PAPOLA: variants seen among roughly 807,000 people sequenced by gnomAD.
PAPOLA encodes the protein polynucleotide adenylyltransferase alpha.
PAPOLA carries 15 observed loss-of-function variants against 100.6 expected under a neutral mutation model. That is an observed-to-expected ratio of 0.15 (90% CI 0.10 to 0.23). The LOEUF (loss-of-function observed/expected upper bound fraction) is 0.23. Among genes scored for constraint, PAPOLA ranks in the 10% least tolerant of loss-of-function variants. The pLI is 1.00. For synonymous variants in PAPOLA, 293 were observed against 300.0 expected (o/e 0.98, Z 0.24); for missense variants, 533 against 884.2 (o/e 0.60, Z 5.04).
At chr14:96,533,721 A>G (rs149681034) in intron 9 of PAPOLA, 5,733 of 332,786 alleles carry the variant, frequency 0.017, 66 homozygotes, top group South Asian at 0.046. Flanking sequence ...CGCCTGGCTA[A>G]TTTTTGTATT....
intron 17 of PAPOLA, among the ~76,000 whole-genome samples, chr14:96,555,023 A>G (rs1901185377): frequency 6.6e-6 from 1 of 152,036 alleles, no homozygotes; most frequent in Non-Finnish European, 1.5e-5. Context: ...AATGAGAGAG[A>G]AACTTCGGGG....
chr14:96,525,418 A>G, intron 4 of PAPOLA, 27 bp downstream of exon 4: 1 of 942,582 alleles, frequency 1.1e-6, no homozygotes, highest in South Asian at 1.5e-5. Flanking sequence ...TTTTCTTAGA[A>G]AGGGACCCTT....
At chr14:96,532,144 C>T in intron 7 of PAPOLA, 187 bp from the exon 8 acceptor site, 3 of 1,368,804 alleles carry the variant, frequency 2.2e-6, no homozygotes, top group South Asian at 1.8e-5. Context: ...AGATTTTTTC[C>T]CCCTCTTTAT....
chr14:96,541,282 A>C (rs1899966873), intron 12 of PAPOLA, among the ~76,000 whole-genome samples: 1 of 152,196 alleles, frequency 6.6e-6, no homozygotes, highest in Non-Finnish European at 1.5e-5. Context: ...AACTATACTT[A>C]TAAAATGTGT....
chr14:96,509,296 C>T (rs75650179), intron 1 of PAPOLA, among the ~76,000 whole-genome samples: 6,649 of 152,232 alleles, frequency 0.044, 206 homozygotes, highest in South Asian at 0.11. Flanking sequence ...CCCAAATTGC[C>T]GAGATTACAG....
chr14:96,512,628 G>A (rs1215588877), intron 1 of PAPOLA, among the ~76,000 whole-genome samples: 3 of 152,278 alleles, frequency 2.0e-5, no homozygotes, highest in Middle Eastern at 6.8e-3. Context: ...AGCTATGATC[G>A]TAATTATATT....
intron 7 of PAPOLA, 155 bp from the exon 8 acceptor site, chr14:96,532,176 A>G: frequency 1.4e-6 from 2 of 1,402,404 alleles, no homozygotes; most frequent in Non-Finnish European, 1.8e-6. Context: ...TACTGGTTCT[A>G]CCAAATAAAA....
chr14:96,509,148 C>T (rs1034367225), intron 1 of PAPOLA, among the ~76,000 whole-genome samples: 1 of 152,200 alleles, frequency 6.6e-6, no homozygotes, highest in Non-Finnish European at 1.5e-5. Context: ...CCTCCCACCT[C>T]AGCCTCCCAA....
chr14:96,530,108 A>G (rs1375324543), intron 6 of PAPOLA, among the ~76,000 whole-genome samples: 3 of 152,214 alleles, frequency 2.0e-5, no homozygotes, highest in Non-Finnish European at 2.9e-5. Context: ...TCTCATGTAT[A>G]ATGAGATCTC....
chr14:96,520,372 A>C (rs1264651262), intron 2 of PAPOLA, 144 bp downstream of exon 2: 1 of 641,636 alleles, frequency 1.6e-6, no homozygotes, highest in Non-Finnish European at 2.6e-6. Flanking sequence ...AGGGATACTT[A>C]AGAGAGAAAA....
At position 96,525,341 on chromosome 14, in the gene PAPOLA, G is replaced by A; in HGVS notation, c.281G>A (p.Gly94Glu). Reference sequence around the variant, plus strand: ...CCACAATCTGTAATTGAAAATGTTGGAGGAAAAATTTTTACATTTGGATCT... The same window carrying A: ...CCACAATCTGTAATTGAAAATGTTGAAGGAAAAATTTTTACATTTGGATCT... ...NLPQSVIENV[G>E]GKIFTFGSYR... The change falls in exon 4 of 22, where the codon GGA becomes GAA. Residue 94 changes from glycine to glutamate, a missense_variant. Physicochemically the swap from Gly to Glu is moderately conservative, Grantham distance 98. Coordinates refer to ENST00000216277, the MANE Select transcript of PAPOLA (RefSeq NM_032632.5). 1 of 1,526,516 alleles carries A rather than the reference G, an allele frequency of 6.6e-7. No homozygotes were observed. Among genetic ancestry groups the A allele is most frequent in the South Asian group, 1.2e-5 (1 of 86,068 alleles). 94.6% of individuals were successfully genotyped at this position (1,526,516 alleles called of 1,614,324 possible).
chr14:96,536,049 C>T, intron 11 of PAPOLA, 50 bp downstream of exon 11: 1 of 1,367,628 alleles, frequency 7.3e-7, no homozygotes, highest in Non-Finnish European at 9.7e-7. Flanking sequence ...ATTTACGTAC[C>T]ATTGTAGACC....
chr14:96,535,592 C>A, intron 10 of PAPOLA: 1 of 1,048,364 alleles, frequency 9.5e-7, no homozygotes, highest in Non-Finnish European at 1.2e-6. Flanking sequence ...AAAAACTAAA[C>A]ATCAATAGAT....
chr14:96,509,811 T>A (rs892871776), intron 1 of PAPOLA, among the ~76,000 whole-genome samples: 1 of 152,234 alleles, frequency 6.6e-6, no homozygotes, highest in East Asian at 1.9e-4. Flanking sequence ...ACCACTGTTA[T>A]ATGTGTGGTC....
chr14:96,527,473 T>A lies in PAPOLA; in HGVS notation c.375T>A (p.Asp125Glu). The change falls in exon 5 of 22, where the codon GAT becomes GAA. Residue 125 changes from aspartate to glutamate, a missense_variant. By Grantham distance (45) the Asp-to-Glu change is conservative (BLOSUM62 2). Transcript: ENST00000216277. ...TGTGTGTTGCACCAAGACATGTTGATCGAAGTGACTTTTTCACCTCATTCT... is the reference window on the plus strand; with the variant it reads ...TGTGTGTTGCACCAAGACATGTTGAACGAAGTGACTTTTTCACCTCATTCT... Reference protein sequence around the residue: ...DALCVAPRHVDRSDFFTSFYD... With the variant: ...DALCVAPRHVERSDFFTSFYD... 6.2e-7 allele frequency: 1 copy of A among 1,613,330 alleles called. No homozygotes were observed. Among genetic ancestry groups the A allele is most frequent in the South Asian group, 1.1e-5 (1 of 91,062 alleles).
At chr14:96,508,230 C>A (rs1896867052) in intron 1 of PAPOLA, among the ~76,000 whole-genome samples, 1 of 152,142 alleles carries the variant, frequency 6.6e-6, no homozygotes, top group African/African-American at 2.4e-5. Flanking sequence ...CAGCCCACCC[C>A]AACCGTCTGT....
At position 96,544,134 on chromosome 14, in the gene PAPOLA, T is replaced by C; in HGVS notation, c.1290-15T>C. ...ATGAAATCCAGATAAACTATGGTAA[T>C]GCTCTTCTTTGCAGGGAAGAATTTC... On this transcript the variant is annotated splice_polypyrimidine_tract_variant and intron_variant, in intron 14 of 21. Transcript: ENST00000216277. The C allele has an allele frequency of 7.4e-7, 1 of 1,345,588 alleles. No homozygotes were observed. Among genetic ancestry groups the C allele is most frequent in the East Asian group, 2.3e-5 (1 of 43,642 alleles). 83.4% of individuals were successfully genotyped at this position (1,345,588 alleles called of 1,614,324 possible). A position where few individuals can be genotyped will look rare whatever the true frequency, so the allele number is the denominator to read the frequency against.
In PAPOLA at chr14:96,565,057, C is replaced by G; in HGVS notation, c.*7C>G. 4 of 1,373,888 alleles carry G rather than the reference C, an allele frequency of 2.9e-6. No individual in the cohort carries two copies. Among genetic ancestry groups the G allele is most frequent in the Non-Finnish European group, 4.2e-6 (4 of 961,542 alleles). The allele number at this position is 1,373,888 out of a possible 1,614,324, so 85.1% of individuals were successfully genotyped here. ...ACTGAGATTGAATCGGTAAAAACAACCTCAGGGGTCCATAAACAATATCTG... is the reference window on the plus strand; with the variant it reads ...ACTGAGATTGAATCGGTAAAAACAAGCTCAGGGGTCCATAAACAATATCTG... On this transcript the variant is annotated 3_prime_UTR_variant, in exon 22 of 22. Transcript: ENST00000216277.
intron 12 of PAPOLA, among the ~76,000 whole-genome samples, chr14:96,539,463 T>TTAGG (rs1200331043): frequency 1.3e-5 from 2 of 152,102 alleles, no homozygotes; most frequent in Admixed American, 1.3e-4. Flanking sequence ...CAAATAGCAG[T>TTAGG]TAGGTAATAA....
Sources: allele counts gnomAD v4.1 joint callset (sites outside exome capture counted in the v4.1 genomes callset), GRCh38; gene constraint gnomAD v4.1.1; transcripts MANE v1.5; gene names NCBI Gene and HGNC (gene_info 2026-07-23, HGNC 2026-07-21).